The following C1orf21 variants were observed in gnomAD, a reference collection of about 807,000 sequenced individuals.
The protein encoded by C1orf21 is uncharacterized protein C1orf21.
Under a neutral mutation model 18.7 loss-of-function variants are expected in C1orf21, and 3 were observed. The ratio of observed to expected loss-of-function variants is 0.16; its 90% CI spans 0.07 to 0.42. The LOEUF (loss-of-function observed/expected upper bound fraction) is 0.42, where lower values mean the gene tolerates loss of function less well. Ranked by LOEUF, C1orf21 falls within the 10% of genes least tolerant of loss-of-function variation. The probability of loss-of-function intolerance (pLI) is 0.99; values close to 1 mark genes in which losing one functional copy is unlikely to be tolerated. For missense variants in C1orf21, 104 were observed against 143.6 expected (o/e 0.72, Z 1.41); for synonymous variants, 41 against 46.4 (o/e 0.88, Z 0.47).
chr1:184,393,589 T>TA (rs996499621), intron 1 of C1orf21, among the ~76,000 whole-genome samples: 1 of 152,240 alleles, frequency 6.6e-6, no homozygotes, highest in African/African-American at 2.4e-5. Flanking sequence ...GTAAGGCTCT[T>TA]AAGCCATTTA....
intron 1 of C1orf21, among the ~76,000 whole-genome samples, chr1:184,417,844 T>C (rs1158973182): frequency 6.6e-6 from 1 of 152,332 alleles, no homozygotes; most frequent in East Asian, 1.9e-4. Flanking sequence ...GGAGTTTGTA[T>C]AGAAGACATA....
intron 2 of C1orf21, among the ~76,000 whole-genome samples, chr1:184,487,289 G>C (rs1473415729): frequency 6.6e-6 from 1 of 152,210 alleles, no homozygotes; most frequent in Non-Finnish European, 1.5e-5. Flanking sequence ...CCTCCGTAGA[G>C]ACTAGTACAG....
At chr1:184,570,843 T>C (rs1659097467) in intron 3 of C1orf21, among the ~76,000 whole-genome samples, 1 of 150,762 alleles carries the variant, frequency 6.6e-6, no homozygotes, top group Non-Finnish European at 1.5e-5. Context: ...GTGAACCTCA[T>C]AGAGTGAACT....
intron 3 of C1orf21, among the ~76,000 whole-genome samples, chr1:184,510,186 T>A (rs1257526908): frequency 6.6e-6 from 1 of 152,224 alleles, no homozygotes; most frequent in Non-Finnish European, 1.5e-5. Flanking sequence ...TTTATACCTA[T>A]TATGTACAAA....
rs1660047733 is a variant in C1orf21, at chr1:184,628,132, G to A, written c.*8576G>A. 6.6e-6 allele frequency: 1 copy of A among 152,216 alleles called. No homozygotes were observed. Among genetic ancestry groups the A allele is most frequent in the Non-Finnish European group, 1.5e-5 (1 of 68,060 alleles). The allele number at this position is 152,216 out of a possible 1,614,324, so 9.4% of individuals were successfully genotyped here. On this transcript the variant is annotated 3_prime_UTR_variant, in exon 6 of 6. Coordinates refer to ENST00000235307, the MANE Select transcript of C1orf21 (RefSeq NM_030806.4). ...CACCTGCAGAGGCTTCCTCAGGTGA[G>A]TGTGGGAGCCCGGAAGGGTGGCCTC...
At chr1:184,444,109 A>G (rs1423030624) in intron 1 of C1orf21, among the ~76,000 whole-genome samples, 5 of 152,156 alleles carry the variant, frequency 3.3e-5, no homozygotes, top group Non-Finnish European at 7.4e-5. Flanking sequence ...CATTCTGGAA[A>G]GAGATCCCAG....
chr1:184,542,907 A>C (rs2101978253), intron 3 of C1orf21, among the ~76,000 whole-genome samples: 1 of 152,310 alleles, frequency 6.6e-6, no homozygotes, highest in Middle Eastern at 3.4e-3. Flanking sequence ...GGAAAGAAAG[A>C]GTTAACATTC....
At chr1:184,441,992 G>A (rs1176036105) in intron 1 of C1orf21, among the ~76,000 whole-genome samples, 1 of 152,108 alleles carries the variant, frequency 6.6e-6, no homozygotes, top group Non-Finnish European at 1.5e-5. Context: ...TCAGTGAATG[G>A]AACAGACTGG....
At chr1:184,443,245 C>T (rs945180841) in intron 1 of C1orf21, among the ~76,000 whole-genome samples, 5 of 152,128 alleles carry the variant, frequency 3.3e-5, no homozygotes, top group South Asian at 4.2e-4. Flanking sequence ...CTGTGCCTTG[C>T]GTAAAGAGCT....
chr1:184,419,955 G>A (rs1308611015), intron 1 of C1orf21, among the ~76,000 whole-genome samples: 1 of 152,194 alleles, frequency 6.6e-6, no homozygotes, highest in African/African-American at 2.4e-5. Context: ...ACAGGGAAAT[G>A]ACATATTCTG....
Position 184,522,472 on chromosome 1 carries a change from T to C in C1orf21, c.189+14790T>C, listed in dbSNP as rs549018576. Among the ~76,000 whole-genome samples, 13 of 152,154 alleles carry C rather than the reference T, an allele frequency of 8.5e-5. No homozygotes were observed. The South Asian group carries it at 2.3e-3, about 27-fold the overall frequency. Reference sequence around the variant, plus strand: ...TGTCTGAGTCTAGGGCTGGAGAATATGTAAGAGGCTCCTGGTGCGTCTTGT... The same window carrying C: ...TGTCTGAGTCTAGGGCTGGAGAATACGTAAGAGGCTCCTGGTGCGTCTTGT... On this transcript the variant is annotated intron_variant, in intron 3 of 5. Coordinates refer to ENST00000235307, the MANE Select transcript of C1orf21 (RefSeq NM_030806.4).
At chr1:184,555,807 C>T (rs1250797572) in intron 3 of C1orf21, among the ~76,000 whole-genome samples, 1 of 152,154 alleles carries the variant, frequency 6.6e-6, no homozygotes, top group Non-Finnish European at 1.5e-5. Flanking sequence ...GCTAAACAAG[C>T]TTCTGGCAGG....
intron 1 of C1orf21, among the ~76,000 whole-genome samples, chr1:184,465,253 G>A (rs1375749960): frequency 6.6e-6 from 1 of 152,158 alleles, no homozygotes; most frequent in African/African-American, 2.4e-5. Context: ...GAAAATTAAT[G>A]TGATAATTTA....
intron 3 of C1orf21, chr1:184,567,940 A>T (rs1246667692): frequency 5.0e-6 from 1 of 199,662 alleles, no homozygotes; most frequent in Non-Finnish European, 1.0e-5. Flanking sequence ...GATGACCTCA[A>T]GGCAGATAAT....
At chr1:184,548,714 A>C (rs905681369) in intron 3 of C1orf21, among the ~76,000 whole-genome samples, 8 of 152,210 alleles carry the variant, frequency 5.3e-5, no homozygotes, top group Non-Finnish European at 1.0e-4. Context: ...ACAAATTTGC[A>C]GGGTACTTTC....
intron 1 of C1orf21, among the ~76,000 whole-genome samples, chr1:184,401,729 CAT>C (rs988876974): frequency 6.7e-6 from 1 of 149,364 alleles, no homozygotes; most frequent in Non-Finnish European, 1.5e-5. Flanking sequence ...TAGAGCAAGA[CAT>C]ATGTAAATAC....
chr1:184,484,098 AT>A (rs924061408), intron 2 of C1orf21, among the ~76,000 whole-genome samples: 8 of 148,368 alleles, frequency 5.4e-5, no homozygotes, highest in African/African-American at 7.4e-5. Flanking sequence ...TAATTTTTGT[AT>A]TTTTTTTTTA....
chr1:184,444,667 A>C (rs770678351), intron 1 of C1orf21, among the ~76,000 whole-genome samples: 1 of 152,134 alleles, frequency 6.6e-6, no homozygotes, highest in Non-Finnish European at 1.5e-5. Flanking sequence ...ATTTGGACCT[A>C]CTTCCTTTAT....
intron 3 of C1orf21, among the ~76,000 whole-genome samples, chr1:184,548,466 G>A (rs1658763852): frequency 6.9e-6 from 1 of 145,314 alleles, no homozygotes; most frequent in South Asian, 2.2e-4. Flanking sequence ...CCAGGCTGGA[G>A]TGCAGCGGCG....
Sources: allele counts gnomAD v4.1 joint callset (sites outside exome capture counted in the v4.1 genomes callset), GRCh38; gene constraint gnomAD v4.1.1; transcripts MANE v1.5; gene names NCBI Gene and HGNC (gene_info 2026-07-23, HGNC 2026-07-21).